The following RIT2 variants were observed in gnomAD, a reference collection of about 807,000 sequenced individuals.
The protein encoded by RIT2 is GTP-binding protein Rit2.
A neutral mutation model predicts 23.7 loss-of-function variants in RIT2; 24 were observed. The observed-to-expected ratio is 1.01, with a 90% CI of 0.73 to 1.43. RIT2 has a LOEUF of 1.43. RIT2 is among the 40% of genes most tolerant of loss of function. RIT2 has a pLI of 0.00. For missense variants in RIT2, 236 were observed against 266.9 expected, an observed-to-expected ratio of 0.88 and a Z score of 0.81; for synonymous variants, 107 against 91.1, an observed-to-expected ratio of 1.17 and a Z score of -0.99.
At chr18:42,871,640 C>T (rs1162954778) in intron 4 of RIT2, among the ~76,000 whole-genome samples, 3 of 152,228 alleles carry the variant, frequency 2.0e-5, no homozygotes, top group East Asian at 1.9e-4. Flanking sequence ...CAAACACAAT[C>T]GCCAAAACTC....
At chr18:42,894,185 G>T (rs1425148352) in intron 4 of RIT2, among the ~76,000 whole-genome samples, 2 of 152,164 alleles carry the variant, frequency 1.3e-5, no homozygotes, top group African/African-American at 4.8e-5. Flanking sequence ...AAGAAGACAG[G>T]ATGTTGGCAT....
intron 4 of RIT2, among the ~76,000 whole-genome samples, chr18:42,767,094 C>T (rs1484311059): frequency 6.6e-6 from 1 of 152,224 alleles, no homozygotes; most frequent in Non-Finnish European, 1.5e-5. Flanking sequence ...AGCCCCCACA[C>T]AGAGTCCCTA....
In RIT2 at chr18:42,974,139, A is replaced by G. The variant is rs1910425896; in HGVS notation, c.169T>C (p.Tyr57His). Reference protein sequence around the residue: ...DYHDPTIEDAYKTQVRIDNEP... With the variant: ...DYHDPTIEDAHKTQVRIDNEP... ...TTGTCAATCCTGACCTGGGTCTTAT[A>G]AGCATCTTCTGAAAAACACAAGACA... The change falls in exon 3 of 5, where the codon TAT (tyrosine) becomes CAT (histidine). Residue 57 changes from tyrosine to histidine, a missense_variant. Transcript: ENST00000326695. 1 of 1,610,064 alleles carries G rather than the reference A, an allele frequency of 6.2e-7. No homozygotes were observed. Among genetic ancestry groups the G allele is most frequent in the African/African-American group, 1.3e-5 (1 of 74,760 alleles).
chr18:43,108,099 C>A (rs1355665813), intron 1 of RIT2, among the ~76,000 whole-genome samples: 4 of 150,778 alleles, frequency 2.7e-5, no homozygotes, highest in African/African-American at 9.8e-5. Context: ...GGTGTGAACC[C>A]AGGAGGCAGA....
chr18:42,967,773 T>A (rs941833514), intron 3 of RIT2, among the ~76,000 whole-genome samples: 1 of 150,534 alleles, frequency 6.6e-6, no homozygotes, highest in African/African-American at 2.5e-5. Flanking sequence ...GATAGTTTAA[T>A]GGTGTTATTT....
chr18:42,986,042 CTT>C (rs1271886309), intron 2 of RIT2, among the ~76,000 whole-genome samples: 66 of 136,076 alleles, frequency 4.9e-4, no homozygotes, highest in Admixed American at 8.9e-4. Flanking sequence ...TTTTTCTTTT[CTT>C]TTTTTTTTTT....
chr18:43,074,823 G>A (rs906169003), intron 1 of RIT2, among the ~76,000 whole-genome samples: 5 of 152,138 alleles, frequency 3.3e-5, no homozygotes, highest in African/African-American at 9.7e-5. Flanking sequence ...ACATGTTCTC[G>A]CTTCTAAGCA....
chr18:43,024,010 A>T (rs144222393), intron 2 of RIT2, among the ~76,000 whole-genome samples: 4 of 152,212 alleles, frequency 2.6e-5, no homozygotes, highest in Non-Finnish European at 5.9e-5. Flanking sequence ...AACAAAGAGG[A>T]TAGTAAGGAC....
At chr18:42,922,031 C>T (rs1468910608) in intron 4 of RIT2, among the ~76,000 whole-genome samples, 1 of 152,050 alleles carries the variant, frequency 6.6e-6, no homozygotes, top group Non-Finnish European at 1.5e-5. Context: ...AGAGAAACAG[C>T]AAAGTAAGAC....
intron 4 of RIT2, among the ~76,000 whole-genome samples, chr18:42,760,647 TA>T (rs1567989563): frequency 6.6e-6 from 1 of 152,230 alleles, no homozygotes; most frequent in Non-Finnish European, 1.5e-5. Context: ...TGCCACTTAC[TA>T]GTTGAATGAC....
chr18:42,811,276 A>G (rs986719589), intron 4 of RIT2, among the ~76,000 whole-genome samples: 37 of 152,134 alleles, frequency 2.4e-4, no homozygotes, highest in African/African-American at 8.9e-4. Context: ...TATTAAATGC[A>G]GCACCATCTA....
chr18:42,857,487 G>A (rs2144044918), intron 4 of RIT2, among the ~76,000 whole-genome samples: 1 of 152,274 alleles, frequency 6.6e-6, no homozygotes, highest in East Asian at 1.9e-4. Context: ...TAGCATAAGA[G>A]CTTATAATTG....
intron 4 of RIT2, among the ~76,000 whole-genome samples, chr18:42,856,707 A>C (rs1055708768): frequency 6.6e-6 from 1 of 152,174 alleles, no homozygotes; most frequent in African/African-American, 2.4e-5. Context: ...TTTCTTCTGA[A>C]TATGAAGGGA....
At chr18:42,803,921 G>A (rs557875090) in intron 4 of RIT2, among the ~76,000 whole-genome samples, 1 of 152,310 alleles carries the variant, frequency 6.6e-6, no homozygotes, top group South Asian at 2.1e-4. Flanking sequence ...ATAGGACAAA[G>A]TACAGGTAAG....
chr18:42,830,456 C>A (rs1906425162), intron 4 of RIT2, among the ~76,000 whole-genome samples: 1 of 152,190 alleles, frequency 6.6e-6, no homozygotes, highest in South Asian at 2.1e-4. Flanking sequence ...TCCTGAGAGG[C>A]TTCACTCAGT....
At chr18:43,075,462 T>C in intron 1 of RIT2, among the ~76,000 whole-genome samples, 1 of 152,176 alleles carries the variant, frequency 6.6e-6, no homozygotes, top group East Asian at 1.9e-4. Context: ...AATGTTTAAT[T>C]AGTTTAGAAA....
At chr18:42,812,642 T>G (rs1353501290) in intron 4 of RIT2, among the ~76,000 whole-genome samples, 1 of 152,122 alleles carries the variant, frequency 6.6e-6, no homozygotes, top group Non-Finnish European at 1.5e-5. Context: ...TTAACAAAAC[T>G]TCTGGCATTT....
At chr18:42,753,710 C>T (rs1418516191) in intron 4 of RIT2, among the ~76,000 whole-genome samples, 2 of 151,936 alleles carry the variant, frequency 1.3e-5, no homozygotes, top group Admixed American at 6.6e-5. Context: ...AAAAGTGGCC[C>T]GAACTTTTTT....
intron 1 of RIT2, among the ~76,000 whole-genome samples, chr18:43,100,157 G>C (rs1046687429): frequency 3.9e-5 from 6 of 152,076 alleles, no homozygotes; most frequent in Non-Finnish European, 8.8e-5. Flanking sequence ...GTGGTAGAAA[G>C]GTGAGGTTTT....
Sources: gnomAD v4.1 joint callset for allele counts (sites outside exome capture counted in the v4.1 genomes callset) on GRCh38, gnomAD v4.1.1 for gene constraint, MANE v1.5 for transcripts, NCBI Gene and HGNC (gene_info 2026-07-23, HGNC 2026-07-21) for gene names.